Variants in NANS observed in about 807,000 individuals in gnomAD.
The protein encoded by NANS is N-acetylneuraminate synthase, also known as N-acetylneuraminate-9-phosphate synthase.
In NANS, 29 loss-of-function variants were observed where a neutral mutation model predicts 33.3. The ratio of observed to expected loss-of-function variants is 0.87; its 90% CI spans 0.65 to 1.19. The LOEUF (loss-of-function observed/expected upper bound fraction) is 1.19, where lower values mean the gene tolerates loss of function less well. Ranked by LOEUF, NANS falls within the 50% of genes most tolerant of loss-of-function variation. The probability of loss-of-function intolerance (pLI) is 0.00; values close to 1 mark genes in which losing one functional copy is unlikely to be tolerated. For missense variants in NANS, 394 were observed against 461.1 expected, an observed-to-expected ratio of 0.85 and a Z score of 1.33; for synonymous variants, 163 against 177.2, an observed-to-expected ratio of 0.92 and a Z score of 0.64.
At chr9:98,073,624 AC>A (rs2117881296) in intron 2 of NANS, among the ~76,000 whole-genome samples, 1 of 149,354 alleles carries the variant, frequency 6.7e-6, no homozygotes, top group African/African-American at 2.5e-5. Flanking sequence ...AGGATCCAAA[AC>A]CTGAGGGGAG....
Position 98,060,801 on chromosome 9 carries a change from C to A in NANS, c.152C>A (p.Ala51Asp). 5 of 1,614,162 alleles carry A rather than the reference C, an allele frequency of 3.1e-6. No homozygotes were observed. The highest frequency in any genetic ancestry group is 4.2e-6 in the Non-Finnish European group (5 of 1,180,032). The change falls in exon 2 of 6, where the codon GCT becomes GAT. Residue 51 changes from alanine to aspartate, a missense_variant. Physicochemically the swap from Ala to Asp is moderately radical, Grantham distance 126. Transcript: ENST00000210444. ...RMAKECGADC[A>D]KFQKSELEFK... is the part of the protein sequence containing the mutation. Reference sequence around the variant, plus strand: ...TTGTAGGAGTGTGGGGCTGATTGTGCTAAGTTCCAGAAGAGTGAGCTAGAA... The same window carrying A: ...TTGTAGGAGTGTGGGGCTGATTGTGATAAGTTCCAGAAGAGTGAGCTAGAA...
chr9:98,062,786 T>G (rs1407298099), intron 2 of NANS, among the ~76,000 whole-genome samples: 2 of 150,126 alleles, frequency 1.3e-5, no homozygotes, highest in Non-Finnish European at 3.0e-5. Flanking sequence ...AGTTTTTTTT[T>G]TTTTTTTTTT....
chr9:98,081,032 G>A lies in NANS; in HGVS notation c.820G>A (p.Gly274Ser), dbSNP rs1382123535. ...RSVRLVERAL[G>S]SPTKQLLPCE... The stretch of plus-strand genomic sequence containing the variant: ...AGTGCGTCTTGTGGAGCGTGCCCTG[G>A]GCTCCCCAACCAAGCAGCTGCTGCC... Residue 274 changes from glycine (G) to serine (S), a missense_variant, in exon 5 of 6, where the codon GGC becomes AGC. Physicochemically the swap from Gly to Ser is moderately conservative, Grantham distance 56. Coordinates refer to ENST00000210444, the MANE Select transcript of NANS (RefSeq NM_018946.4). The A allele has an allele frequency of 6.2e-7, 1 of 1,614,162 alleles. No individual in the cohort carries two copies. The highest frequency in any genetic ancestry group is 2.2e-5 in the East Asian group (1 of 44,874).
At chr9:98,071,046 C>CA (rs1462570117) in intron 2 of NANS, among the ~76,000 whole-genome samples, 2 of 151,728 alleles carry the variant, frequency 1.3e-5, no homozygotes, top group African/African-American at 4.8e-5. Context: ...CTCTGGGCCT[C>CA]AAACAGTCTC....
At chr9:98,059,741 T>C (rs1828923521) in intron 1 of NANS, among the ~76,000 whole-genome samples, 1 of 152,102 alleles carries the variant, frequency 6.6e-6, no homozygotes, top group South Asian at 2.1e-4. Flanking sequence ...TTTTTTTTTT[T>C]TTATAGTCAA....
chr9:98,068,605 G>T (rs554769305), intron 2 of NANS, among the ~76,000 whole-genome samples: 1 of 151,098 alleles, frequency 6.6e-6, no homozygotes, highest in South Asian at 2.1e-4. Flanking sequence ...CTTGAGGCCA[G>T]GAGTTCAAGA....
chr9:98,063,118 G>A (rs1315581311), intron 2 of NANS, among the ~76,000 whole-genome samples: 1 of 151,780 alleles, frequency 6.6e-6, no homozygotes, highest in East Asian at 1.9e-4. Context: ...AGTGGAGACA[G>A]GGTTTCACCA....
In NANS at chr9:98,081,140, G is replaced by A. The variant is rs143739415; in HGVS notation, c.870+58G>A. The A allele has an allele frequency of 8.4e-4, 1,338 of 1,596,804 alleles. 6 individuals carry two copies. In the African/African-American group the frequency reaches 0.015, roughly 18 times the overall value. Reference sequence around the variant, plus strand: ...GCCGTGTGTGGAAAAAGGATAGGCTGGCCTGAGAGGGATGGTCAGGACCAG... The same window carrying A: ...GCCGTGTGTGGAAAAAGGATAGGCTAGCCTGAGAGGGATGGTCAGGACCAG... On this transcript the variant is annotated intron_variant, in intron 5 of 5. Coordinates refer to ENST00000210444, the MANE Select transcript of NANS (RefSeq NM_018946.4).
chr9:98,076,196 T>G (rs1216864736), intron 2 of NANS: 1 of 152,206 alleles, frequency 6.6e-6, no homozygotes, highest in African/African-American at 2.4e-5. Context: ...TCGCCAAGAA[T>G]TGAAATAGCC....
At chr9:98,060,046 C>A (rs1828932081) in intron 1 of NANS, among the ~76,000 whole-genome samples, 1 of 152,182 alleles carries the variant, frequency 6.6e-6, no homozygotes, top group African/African-American at 2.4e-5. Context: ...GAGTCCAGAG[C>A]TGGGAAGTGA....
chr9:98,070,010 T>C (rs1829266078), intron 2 of NANS, among the ~76,000 whole-genome samples: 2 of 152,336 alleles, frequency 1.3e-5, no homozygotes, highest in South Asian at 2.1e-4. Flanking sequence ...TGGGGGAAAC[T>C]GGGGGAAGAG....
chr9:98,080,947 GA>G lies in NANS; in HGVS notation c.737del (p.Lys246ArgfsTer54), dbSNP rs1481860872. The G allele has an allele frequency of 6.2e-7, 1 of 1,614,228 alleles. No homozygotes were observed. Among genetic ancestry groups the G allele is most frequent in the Non-Finnish European group, 8.5e-7 (1 of 1,180,050 alleles). ...GTCACATAACTTTGGACAAGACCTG[GA>G]AGGGGAGTGACCACTCGGCCTCGCT... Reference protein sequence around the residue: ...ERHITLDKTWKGSDHSASLEP... With the variant: ...ERHITLDKTWXGSDHSASLEP... On this transcript the variant is annotated frameshift_variant, in exon 5 of 6. Transcript: ENST00000210444. LOFTEE classifies it high-confidence loss of function.
intron 1 of NANS, among the ~76,000 whole-genome samples, chr9:98,058,856 CT>C (rs758802588): frequency 7.9e-5 from 12 of 152,136 alleles, no homozygotes; most frequent in Non-Finnish European, 1.8e-4. Context: ...TCAGGTCAGT[CT>C]GGGCCTTGGG....
At chr9:98,059,860 T>C (rs1162032966) in intron 1 of NANS, among the ~76,000 whole-genome samples, 1 of 152,034 alleles carries the variant, frequency 6.6e-6, no homozygotes, top group Non-Finnish European at 1.5e-5. Flanking sequence ...TCAAAGAAAA[T>C]GTCATGGAGA....
chr9:98,057,747 G>GAGATAGCTCACCCCA (rs1346550193), intron 1 of NANS, among the ~76,000 whole-genome samples: 4 of 152,034 alleles, frequency 2.6e-5, no homozygotes, highest in African/African-American at 9.7e-5. Context: ...CTTTGGTTTA[G>GAGATAGCTCACCCCA]AGATAGCTCA....
At chr9:98,061,769 AT>A (rs1280182536) in intron 2 of NANS, among the ~76,000 whole-genome samples, 1 of 150,690 alleles carries the variant, frequency 6.6e-6, no homozygotes, top group Non-Finnish European at 1.5e-5. Context: ...ATAGAGCAAG[AT>A]TCCGTCTCAA....
intron 4 of NANS, among the ~76,000 whole-genome samples, chr9:98,080,129 G>T (rs1278080418): frequency 6.6e-6 from 1 of 152,180 alleles, no homozygotes; most frequent in African/African-American, 2.4e-5. Context: ...CAGGAGAATC[G>T]CTTGAACCCA....
At chr9:98,077,599 C>A (rs1034023433) in intron 3 of NANS, among the ~76,000 whole-genome samples, 1 of 151,952 alleles carries the variant, frequency 6.6e-6, no homozygotes, top group Non-Finnish European at 1.5e-5. Flanking sequence ...ATTACTGTGG[C>A]CCCAGCTACT....
Position 98,077,010 on chromosome 9 carries a change from CA to C in NANS, c.447del (p.Gly150ValfsTer5), listed in dbSNP as rs749960926. ...NNFPYLEKTA[K>X]KGRPMVISSG... ...ATTTTCCTTATCTGGAAAAGACAGC[CA>C]AAAAAGGTAAGTGTCTAATTTTTGA... On this transcript the variant is annotated frameshift_variant, in exon 3 of 6. Transcript: ENST00000210444. LOFTEE classifies it high-confidence loss of function. 2.5e-6 allele frequency: 4 copies of C among 1,599,914 alleles called. No individual in the cohort carries two copies. Among genetic ancestry groups the C allele is most frequent in the South Asian group, 1.1e-5 (1 of 88,370 alleles).
Sources: gnomAD v4.1 joint callset for allele counts (sites outside exome capture counted in the v4.1 genomes callset) on GRCh38, gnomAD v4.1.1 for gene constraint, MANE v1.5 for transcripts, NCBI Gene and HGNC (gene_info 2026-07-23, HGNC 2026-07-21) for gene names.